Variants in TMEM178A observed in about 807,000 individuals in gnomAD.
The protein encoded by TMEM178A is transmembrane protein 178A.
Under a neutral mutation model 29.1 loss-of-function variants are expected in TMEM178A, and 12 were observed. The observed-to-expected ratio is 0.41, with a 90% CI of 0.26 to 0.67. The LOEUF (loss-of-function observed/expected upper bound fraction) is 0.67. Ranked by LOEUF, TMEM178A falls within the 30% of genes least tolerant of loss-of-function variation. TMEM178A has a pLI of 0.29. For missense variants in TMEM178A, 366 were observed against 419.1 expected (o/e 0.87, Z 1.11); for synonymous variants, 210 against 187.2 (o/e 1.12, Z -0.99).
chr2:39,731,788 T>C, the TMEM178A span, among the ~76,000 whole-genome samples: 7 of 152,280 alleles, frequency 4.6e-5, no homozygotes, highest in Non-Finnish European at 1.0e-4. Flanking sequence ...GGCCACATCT[T>C]GGCGAGAAGT....
At chr2:39,695,041 G>A (rs990746779) in intron 1 of TMEM178A, among the ~76,000 whole-genome samples, 1 of 152,164 alleles carries the variant, frequency 6.6e-6, no homozygotes, top group Non-Finnish European at 1.5e-5. Context: ...CAATACAGGA[G>A]GTGATAAGGA....
the TMEM178A span, among the ~76,000 whole-genome samples, chr2:39,734,674 A>T: frequency 6.6e-6 from 1 of 152,226 alleles, no homozygotes; most frequent in East Asian, 1.9e-4. Flanking sequence ...GCTAGTTTAG[A>T]CTGTCTAGAC....
At chr2:39,723,845 A>G in the TMEM178A span, among the ~76,000 whole-genome samples, 1 of 152,154 alleles carries the variant, frequency 6.6e-6, no homozygotes, top group African/African-American at 2.4e-5. Flanking sequence ...CAGCATTTCC[A>G]TAGTGCATTT....
intron 3 of TMEM178A, among the ~76,000 whole-genome samples, chr2:39,712,041 TTG>T (rs61303746): frequency 0.033 from 4,577 of 139,308 alleles, 263 homozygotes; most frequent in African/African-American, 0.11. Context: ...GAATTGCATT[TTG>T]TGTGTGTGTG....
At chr2:39,696,121 A>G (rs1425469179) in intron 1 of TMEM178A, among the ~76,000 whole-genome samples, 2 of 152,154 alleles carry the variant, frequency 1.3e-5, no homozygotes, top group African/African-American at 4.8e-5. Context: ...AACTTCACAC[A>G]GCAAATTTAT....
intron 1 of TMEM178A, among the ~76,000 whole-genome samples, chr2:39,669,669 A>G (rs1487787835): frequency 6.6e-6 from 1 of 152,172 alleles, no homozygotes; most frequent in African/African-American, 2.4e-5. Context: ...CAAGACTAGA[A>G]CCCTTTGCTA....
Position 39,666,114 on chromosome 2 carries a change from G to A in TMEM178A, c.140G>A (p.Arg47His). The change falls in exon 1 of 4, where the codon CGC (arginine) becomes CAC (histidine). Residue 47 changes from arginine to histidine, a missense_variant. Arg to His is a conservative substitution (Grantham distance 29). This residue lies in a region of TMEM178A where 247 missense variants were observed against 246.8 expected (regional missense o/e 1.00). Coordinates refer to ENST00000281961, the MANE Select transcript of TMEM178A (RefSeq NM_152390.3). ...RRHKESCERS[R>H]AGADPPDQKN... ...CACAAGGAGAGCTGCGAGCGCAGCC[G>A]CGCGGGCGCCGACCCCCCGGACCAG... 1 of 1,555,682 alleles carries A rather than the reference G, an allele frequency of 6.4e-7. No individual in the cohort carries two copies. Among genetic ancestry groups the A allele is most frequent in the Non-Finnish European group, 8.6e-7 (1 of 1,156,156 alleles).
rs137915106 is a variant in TMEM178A at position 39,672,495 on chromosome 2, A to T, written c.400+6121A>T. 2.4e-3 allele frequency among the ~76,000 whole-genome samples: 358 copies of T among 152,214 alleles called. 4 individuals carry two copies. The highest frequency in any genetic ancestry group is 8.1e-3 in the African/African-American group (337 of 41,544). On this transcript the variant is annotated intron_variant, in intron 1 of 3. Coordinates refer to ENST00000281961, the MANE Select transcript of TMEM178A (RefSeq NM_152390.3). ...AGAGCCCTCGAACCCCATCAGGCAGACTGCTCGTAATTATAATTGCAACGG... is the reference window on the plus strand; with the variant it reads ...AGAGCCCTCGAACCCCATCAGGCAGTCTGCTCGTAATTATAATTGCAACGG...
chr2:39,701,573 C>A (rs1274993926), intron 1 of TMEM178A, among the ~76,000 whole-genome samples: 1 of 151,998 alleles, frequency 6.6e-6, no homozygotes, highest in Non-Finnish European at 1.5e-5. Flanking sequence ...CTTAGGAATG[C>A]AAGTTCATAT....
chr2:39,678,351 T>C (rs2148062873), intron 1 of TMEM178A, among the ~76,000 whole-genome samples: 1 of 152,184 alleles, frequency 6.6e-6, no homozygotes, highest in Admixed American at 6.5e-5. Context: ...AACTGATGAA[T>C]AGATAAGAAA....
At chr2:39,674,353 G>C (rs966735547) in intron 1 of TMEM178A, among the ~76,000 whole-genome samples, 37 of 152,190 alleles carry the variant, frequency 2.4e-4, no homozygotes, top group African/African-American at 8.2e-4. Context: ...AATGAATTAA[G>C]ATCATTTTCA....
the TMEM178A span, among the ~76,000 whole-genome samples, chr2:39,733,785 T>G: frequency 6.6e-6 from 1 of 152,132 alleles, no homozygotes; most frequent in Non-Finnish European, 1.5e-5. Context: ...AATGAAAAAA[T>G]TTTTAGGAGC....
chr2:39,715,716 A>G (rs181273683), intron 3 of TMEM178A, among the ~76,000 whole-genome samples: 1 of 152,202 alleles, frequency 6.6e-6, no homozygotes, highest in South Asian at 2.1e-4. Flanking sequence ...CTAAGTGCAC[A>G]TTTGGAAGCG....
intron 1 of TMEM178A, among the ~76,000 whole-genome samples, chr2:39,673,760 G>A (rs73927013): frequency 0.016 from 2,479 of 152,366 alleles, 70 homozygotes; most frequent in African/African-American, 0.057. Context: ...GGCAGTGGTG[G>A]ATGGGAGGCT....
At chr2:39,719,775 G>T (rs2148123972), downstream of TMEM178A, among the ~76,000 whole-genome samples, 1 of 152,164 alleles carries the variant, frequency 6.6e-6, no homozygotes, top group South Asian at 2.1e-4. Context: ...TAGAACCAGT[G>T]TTGTCCATTC....
rs267599373 is a variant in TMEM178A, at chr2:39,707,174, T to C, written c.640T>C (p.Phe214Leu). The change falls in exon 3 of 4, where the codon TTC becomes CTC. Residue 214 changes from phenylalanine to leucine, a missense_variant. Physicochemically the swap from Phe to Leu is conservative, Grantham distance 22 (BLOSUM62 0). This residue lies in a region of TMEM178A where 119 missense variants were observed against 172.2 expected (regional missense o/e 0.69). Transcript: ENST00000281961. ...SLTQHVAGLL[F>L]LMTGIFCTIS... ...GACCCAGCACGTGGCTGGACTCCTGTTCCTCATGACAGGTAGGCTGCATGC... is the reference window on the plus strand; with the variant it reads ...GACCCAGCACGTGGCTGGACTCCTGCTCCTCATGACAGGTAGGCTGCATGC... The C allele has an allele frequency of 6.2e-7, 1 of 1,612,904 alleles. No homozygotes were observed. Among genetic ancestry groups the C allele is most frequent in the Non-Finnish European group, 8.5e-7 (1 of 1,179,518 alleles).
intron 3 of TMEM178A, among the ~76,000 whole-genome samples, chr2:39,713,776 G>A (rs1672416604): frequency 6.6e-6 from 1 of 152,174 alleles, no homozygotes; most frequent in Non-Finnish European, 1.5e-5. Context: ...ACATGTATGT[G>A]GAACCTGAAA....
intron 1 of TMEM178A, among the ~76,000 whole-genome samples, chr2:39,675,304 G>A (rs1670571487): frequency 6.6e-6 from 1 of 152,078 alleles, no homozygotes; most frequent in South Asian, 2.1e-4. Context: ...CCACTGATTT[G>A]GAAAATTGGC....
downstream of TMEM178A, chr2:39,718,006 C>G (rs1198236247): frequency 6.6e-6 from 1 of 152,524 alleles, no homozygotes; most frequent in Non-Finnish European, 1.5e-5. Context: ...GTCAACAGGT[C>G]TCCCTAGCCA....
Sources: gnomAD v4.1 joint callset for allele counts (sites outside exome capture counted in the v4.1 genomes callset) on GRCh38, gnomAD v4.1.1 for gene constraint, gnomAD v4.1.1 regional missense constraint, MANE v1.5 for transcripts, NCBI Gene and HGNC (gene_info 2026-07-23, HGNC 2026-07-21) for gene names.